Variants in GPRIN3 observed in about 807,000 individuals in gnomAD.
GPRIN3 encodes G protein-regulated inducer of neurite outgrowth 3.
GPRIN3 carries 12 observed loss-of-function variants against 13.7 expected under a neutral mutation model. That is an observed-to-expected ratio of 0.87 (90% confidence interval 0.56 to 1.42). GPRIN3 has a LOEUF of 1.42. Ranked by LOEUF, GPRIN3 falls within the 40% of genes most tolerant of loss-of-function variation. GPRIN3 has a pLI of 0.00. For missense variants in GPRIN3, 1,009 were observed against 958.7 expected (o/e 1.05, Z -0.69); for synonymous variants, 377 against 372.7 (o/e 1.01, Z -0.13).
chr4:89,305,172 T>C (rs1005698333), intron 1 of GPRIN3, among the ~76,000 whole-genome samples: 3 of 152,292 alleles, frequency 2.0e-5, no homozygotes, highest in African/African-American at 7.2e-5. Context: ...ACTCACACTG[T>C]TTTTCAACCA....
intron 1 of GPRIN3, among the ~76,000 whole-genome samples, chr4:89,255,791 T>C (rs1367787): frequency 0.56 from 84,655 of 151,992 alleles, 23,959 homozygotes; most frequent in South Asian, 0.72. Context: ...GGTCAAGACC[T>C]GGTTGAGAAG....
At chr4:89,266,314 A>G (rs1434776052) in intron 1 of GPRIN3, among the ~76,000 whole-genome samples, 1 of 152,190 alleles carries the variant, frequency 6.6e-6, no homozygotes, top group African/African-American at 2.4e-5. Context: ...TGAGGATGCC[A>G]TGACTCAAGG....
chr4:89,258,128 A>G (rs1202715970), intron 1 of GPRIN3, among the ~76,000 whole-genome samples: 1 of 151,694 alleles, frequency 6.6e-6, no homozygotes, highest in African/African-American at 2.4e-5. Flanking sequence ...GACAAACGCC[A>G]GAGTATCAAA....
chr4:89,243,395 CTGT>C lies in GPRIN3; in HGVS notation c.*4382_*4384del. The C allele has an allele frequency of 6.6e-6, 1 of 152,300 alleles. No individual in the cohort carries two copies. Among genetic ancestry groups the C allele is most frequent in the South Asian group, 2.1e-4 (1 of 4,824 alleles). The allele number at this position is 152,300 out of a possible 1,614,324, so 9.4% of individuals were successfully genotyped here. A position where few individuals can be genotyped will look rare whatever the true frequency, so the allele number is the denominator to read the frequency against. ...ATGGACAGGAGATTCAGCATATCCT[CTGT>C]TATTTGCCAGGTGGCAGCAGCTGAC... On this transcript the variant is annotated 3_prime_UTR_variant, in exon 2 of 2. Transcript: ENST00000609438.
At chr4:89,256,568 C>T (rs1025250329) in intron 1 of GPRIN3, among the ~76,000 whole-genome samples, 3 of 152,108 alleles carry the variant, frequency 2.0e-5, no homozygotes, top group Non-Finnish European at 4.4e-5. Flanking sequence ...GGCCCTGGAC[C>T]GACAGGAGGC....
chr4:89,268,789 T>G (rs1723850430), intron 1 of GPRIN3, among the ~76,000 whole-genome samples: 1 of 152,262 alleles, frequency 6.6e-6, no homozygotes, highest in East Asian at 1.9e-4. Context: ...ATCATGTAGG[T>G]AGCTTGAAAT....
chr4:89,270,574 TATATATA>T (rs1300335682), intron 1 of GPRIN3, among the ~76,000 whole-genome samples: 1 of 96,218 alleles, frequency 1.0e-5, no homozygotes, highest in East Asian at 3.5e-4. Context: ...TTTATATATA[TATATATA>T]TATATATATA....
rs1209959328 is a variant in GPRIN3, at chr4:89,248,417, T to C, written c.1694A>G (p.Asn565Ser). 1.2e-6 allele frequency: 2 copies of C among 1,614,030 alleles called. No individual in the cohort carries two copies. Among genetic ancestry groups the C allele is most frequent in the African/African-American group, 2.7e-5 (2 of 74,916 alleles). ...DTSDAKTLLL[N>S]PKSQESGGTE... ...GCCTCCACTTTCTTGGGATTTAGGA[T>C]TGAGCAGTAGGGTTTTGGCATCCGA... Residue 565 changes from asparagine to serine, a missense_variant, in exon 2 of 2, where the codon AAT (asparagine) becomes AGT (serine). Coordinates refer to ENST00000609438, the MANE Select transcript of GPRIN3 (RefSeq NM_198281.3).
rs955325638 is a variant in GPRIN3, at chr4:89,246,818, C to A, written c.*962G>T. 1.3e-5 allele frequency: 2 copies of A among 152,154 alleles called. No homozygotes were observed. Among genetic ancestry groups the A allele is most frequent in the East Asian group, 1.9e-4 (1 of 5,198 alleles). 9.4% of individuals were successfully genotyped at this position (152,154 alleles called of 1,614,324 possible). ...TTTTTGTTACTTATGAGGCTTTTAT[C>A]ATCACAGAAAAAGCAGTGTTTGGTA... On this transcript the variant is annotated 3_prime_UTR_variant, in exon 2 of 2. Transcript: ENST00000609438.
chr4:89,270,877 C>A (rs573239329), intron 1 of GPRIN3, among the ~76,000 whole-genome samples: 82 of 152,074 alleles, frequency 5.4e-4, no homozygotes, highest in African/African-American at 1.9e-3. Flanking sequence ...GAACTTGGTG[C>A]AGCCTAGAAG....
intron 1 of GPRIN3, among the ~76,000 whole-genome samples, chr4:89,288,533 TCTTATTCTGTGTA>T (rs1448678041): frequency 6.6e-6 from 1 of 152,228 alleles, no homozygotes; most frequent in Non-Finnish European, 1.5e-5. Context: ...AGCAAGTTGT[TCTTATTCTGTGTA>T]CCTTGATAGG....
chr4:89,262,448 CT>C (rs1723657675), intron 1 of GPRIN3, among the ~76,000 whole-genome samples: 1 of 152,102 alleles, frequency 6.6e-6, no homozygotes, highest in African/African-American at 2.4e-5. Context: ...TTATTACCTA[CT>C]CAAAAATAAT....
chr4:89,259,930 G>C (rs989029935), intron 1 of GPRIN3, among the ~76,000 whole-genome samples: 1 of 152,114 alleles, frequency 6.6e-6, no homozygotes, highest in African/African-American at 2.4e-5. Flanking sequence ...TCAGCCTCCT[G>C]AGCAGCTGGG....
intron 1 of GPRIN3, among the ~76,000 whole-genome samples, chr4:89,280,881 G>C (rs1402089517): frequency 1.3e-5 from 2 of 152,138 alleles, no homozygotes; most frequent in African/African-American, 4.8e-5. Context: ...TAGAAAAGGG[G>C]CATTGTATTA....
intron 1 of GPRIN3, among the ~76,000 whole-genome samples, chr4:89,294,874 T>A (rs1561229385): frequency 6.6e-6 from 1 of 152,186 alleles, no homozygotes; most frequent in Non-Finnish European, 1.5e-5. Flanking sequence ...CTTTAAAACA[T>A]CTTAACAAAG....
chr4:89,239,635 A>G lies in GPRIN3; in HGVS notation c.*8145T>C, dbSNP rs1722870765. 1.3e-5 allele frequency: 2 copies of G among 152,160 alleles called. No homozygotes were observed. The highest frequency in any genetic ancestry group is 1.3e-4 in the Admixed American group (2 of 15,278). The allele number at this position is 152,160 out of a possible 1,614,324, so 9.4% of individuals were successfully genotyped here. On this transcript the variant is annotated 3_prime_UTR_variant, in exon 2 of 2. Transcript: ENST00000609438. ...TGTACTTTGCCAAATGGAATTCTCT[A>G]TCAAGGGGTGATTCTGGTATTTCCA... is the stretch of plus-strand genomic sequence containing the variant.
At chr4:89,265,737 C>T (rs2149267413) in intron 1 of GPRIN3, among the ~76,000 whole-genome samples, 1 of 152,274 alleles carries the variant, frequency 6.6e-6, no homozygotes, top group Middle Eastern at 3.4e-3. Flanking sequence ...TTCCACCCTT[C>T]CTTCCTTCCT....
chr4:89,281,963 T>A (rs1724263621), intron 1 of GPRIN3, among the ~76,000 whole-genome samples: 1 of 98,734 alleles, frequency 1.0e-5, no homozygotes, highest in Admixed American at 8.6e-5. Context: ...TGCAGTCATC[T>A]TTTTTTTTTT....
rs749078102 is a variant in GPRIN3, at chr4:89,240,323, C to A, written c.*7457G>T. On this transcript the variant is annotated 3_prime_UTR_variant, in exon 2 of 2. Coordinates refer to ENST00000609438, the MANE Select transcript of GPRIN3 (RefSeq NM_198281.3). ...CCACCCAAGGGTTCATTGCTCATATCCTATTATCTCACCAACATCATCTGC... is the reference window on the plus strand; with the variant it reads ...CCACCCAAGGGTTCATTGCTCATATACTATTATCTCACCAACATCATCTGC... 2.0e-5 allele frequency: 3 copies of A among 152,118 alleles called. No homozygotes were observed. The highest frequency in any genetic ancestry group is 4.4e-5 in the Non-Finnish European group (3 of 68,024). 9.4% of individuals were successfully genotyped at this position (152,118 alleles called of 1,614,324 possible). A position where few individuals can be genotyped will look rare whatever the true frequency, so the allele number is the denominator to read the frequency against.
Sources: allele counts gnomAD v4.1 joint callset (sites outside exome capture counted in the v4.1 genomes callset), GRCh38; gene constraint gnomAD v4.1.1; transcripts MANE v1.5; gene names NCBI Gene and HGNC (gene_info 2026-07-23, HGNC 2026-07-21).